Variants in PCDHGB2 observed in about 807,000 individuals in gnomAD.
The protein encoded by PCDHGB2 is protocadherin gamma-B2.
In PCDHGB2, 55 loss-of-function variants were observed where a neutral mutation model predicts 59.3. That is an observed-to-expected ratio of 0.93 (90% CI 0.75 to 1.16). PCDHGB2 has a LOEUF of 1.16. Among genes scored for constraint, PCDHGB2 ranks in the 50% most tolerant of loss-of-function variants. The probability of loss-of-function intolerance (pLI) is 0.00; values close to 1 mark genes in which losing one functional copy is unlikely to be tolerated. For synonymous variants in PCDHGB2, 516 were observed against 512.0 expected (o/e 1.01, Z -0.11); for missense variants, 1,228 against 1,198.5 (o/e 1.02, Z -0.36).
chr5:141,412,952 T>C, intron 1 of PCDHGB2: 1 of 482,218 alleles, frequency 2.1e-6, no homozygotes, highest in Non-Finnish European at 3.6e-6. Context: ...AGCGCCGCTG[T>C]TCACCTACTA....
intron 2 of PCDHGB2, among the ~76,000 whole-genome samples, chr5:141,498,397 G>A (rs1019408022): frequency 1.3e-5 from 2 of 152,136 alleles, no homozygotes; most frequent in African/African-American, 4.8e-5. Flanking sequence ...GAATGGCAGG[G>A]AGTTTTCTCT....
At chr5:141,365,117 A>G (rs764671143) in intron 1 of PCDHGB2, 2 of 1,613,924 alleles carry the variant, frequency 1.2e-6, no homozygotes, top group Non-Finnish European at 1.7e-6. Flanking sequence ...TCGGCTGCTC[A>G]TGCTAACCGC....
chr5:141,393,156 A>G (rs1028021318), intron 1 of PCDHGB2: 7 of 1,613,310 alleles, frequency 4.3e-6, no homozygotes, highest in African/African-American at 1.3e-5. Context: ...GGATAAAGGA[A>G]AACTCTTTGG....
chr5:141,381,583 A>G (rs766567706), intron 1 of PCDHGB2, among the ~76,000 whole-genome samples: 1 of 152,214 alleles, frequency 6.6e-6, no homozygotes, highest in Non-Finnish European at 1.5e-5. Context: ...CAGCCAATCC[A>G]TTATCCAGTT....
intron 1 of PCDHGB2, chr5:141,479,186 T>C (rs956575218): frequency 3.3e-5 from 5 of 152,590 alleles, no homozygotes; most frequent in Admixed American, 3.3e-4. Flanking sequence ...GCTAGAAAAT[T>C]CAGAAAATAC....
rs765743251 is a variant in PCDHGB2 at position 141,476,488 on chromosome 5, G to A, written c.2422-18319G>A. ...TGGAGCTGTTCAGCGTGGAAGTGGTGATCCAGGACATCAACGACAACAATC... is the reference window on the plus strand; with the variant it reads ...TGGAGCTGTTCAGCGTGGAAGTGGTAATCCAGGACATCAACGACAACAATC... On this transcript the variant is annotated intron_variant, in intron 1 of 3. Coordinates refer to ENST00000522605, the MANE Select transcript of PCDHGB2 (RefSeq NM_018923.3). This position sits in a 1 kb window ranked among gnomAD's most constrained non-coding sequence, Gnocchi z 7.6. 4 of 1,613,932 alleles carry A rather than the reference G, an allele frequency of 2.5e-6. No homozygotes were observed. Among genetic ancestry groups the A allele is most frequent in the Non-Finnish European group, 3.4e-6 (4 of 1,180,016 alleles).
chr5:141,464,266 AAAAAAAAAAAAGC>A (rs2099079689), intron 1 of PCDHGB2, among the ~76,000 whole-genome samples: 2 of 138,926 alleles, frequency 1.4e-5, no homozygotes, highest in Admixed American at 1.4e-4. Flanking sequence ...CTCCGTCTAA[AAAAAAAAAAAAGC>A]AAAAAAAAAA....
Position 141,428,338 on chromosome 5 carries a change from T to C in PCDHGB2, c.2421+65782T>C, listed in dbSNP as rs575215422. 427 of 592,394 alleles carry C rather than the reference T, an allele frequency of 7.2e-4. 1 individual carries two copies. The highest frequency in any genetic ancestry group is 1.3e-3 in the Non-Finnish European group (409 of 326,444). 36.7% of individuals were successfully genotyped at this position (592,394 alleles called of 1,614,324 possible). ...CTTGGCCTTGATTTCTATGCTCTTC[T>C]TCCTCGCAGTGATTTTGGCGGTCGC... On this transcript the variant is annotated intron_variant, in intron 1 of 3. Coordinates refer to ENST00000522605, the MANE Select transcript of PCDHGB2 (RefSeq NM_018923.3).
At chr5:141,478,163 C>T (rs779617960) in intron 1 of PCDHGB2, 1 of 1,614,028 alleles carries the variant, frequency 6.2e-7, no homozygotes, top group Non-Finnish European at 8.5e-7. Context: ...TGGCTCTGCC[C>T]CCCGGGAGCA....
intron 1 of PCDHGB2, among the ~76,000 whole-genome samples, chr5:141,452,745 G>A (rs1246578948): frequency 6.6e-6 from 1 of 152,054 alleles, no homozygotes; most frequent in African/African-American, 2.4e-5. Flanking sequence ...AGAGAGAGAA[G>A]GAAGAAGGAA....
Position 141,491,844 on chromosome 5 carries a change from G to A in PCDHGB2, c.2422-2963G>A. On this transcript the variant is annotated intron_variant, in intron 1 of 3. Transcript: ENST00000522605. The surrounding 1 kb of genome is among the most constrained non-coding windows in gnomAD (Gnocchi z 6.9). ...GCTCCACCCGATTCTCGGGATCATT[G>A]GACCGTTTGCGCGAAACCAGAGTGG... 1 of 1,464,184 alleles carries A rather than the reference G, an allele frequency of 6.8e-7. No homozygotes were observed. 90.7% of individuals were successfully genotyped at this position (1,464,184 alleles called of 1,614,324 possible).
chr5:141,382,917 G>A (rs527482854), intron 1 of PCDHGB2: 1 of 1,555,450 alleles, frequency 6.4e-7, no homozygotes, highest in East Asian at 2.3e-5. Flanking sequence ...CTCAGCCGAG[G>A]GGCGGGGACT....
chr5:141,397,284 C>G (rs185201660), intron 1 of PCDHGB2, among the ~76,000 whole-genome samples: 47 of 152,188 alleles, frequency 3.1e-4, no homozygotes, highest in African/African-American at 1.1e-3. Context: ...GGGCAGTATA[C>G]TTGAATGAAT....
intron 1 of PCDHGB2, among the ~76,000 whole-genome samples, chr5:141,406,034 A>T (rs1438349168): frequency 6.7e-6 from 1 of 149,160 alleles, no homozygotes; most frequent in Non-Finnish European, 1.5e-5. Flanking sequence ...GGGTTGCTTC[A>T]TTGGTTGCAG....
chr5:141,421,905 A>C, intron 1 of PCDHGB2: 1 of 1,613,752 alleles, frequency 6.2e-7, no homozygotes, highest in Non-Finnish European at 8.5e-7. Context: ...GAAAGGGCGC[A>C]GTTCCCATTC....
intron 1 of PCDHGB2, among the ~76,000 whole-genome samples, chr5:141,463,570 T>A (rs557041487): frequency 2.7e-5 from 4 of 146,586 alleles, no homozygotes; most frequent in Middle Eastern, 3.5e-3. Context: ...TGCCTCAGCC[T>A]CCCGAGTAGC....
At chr5:141,470,723 G>T (rs1326927605) in intron 1 of PCDHGB2, among the ~76,000 whole-genome samples, 1 of 151,852 alleles carries the variant, frequency 6.6e-6, no homozygotes, top group East Asian at 1.9e-4. Flanking sequence ...TTTGAGTCAG[G>T]GTCTTGCTCT....
chr5:141,404,164 G>A, intron 1 of PCDHGB2: 2 of 1,613,126 alleles, frequency 1.2e-6, no homozygotes, highest in South Asian at 2.2e-5. Context: ...ATTACAGATT[G>A]TTGACGGCCC....
Position 141,376,478 on chromosome 5 carries a change from G to A in PCDHGB2, c.2421+13922G>A, listed in dbSNP as rs761214015. On this transcript the variant is annotated intron_variant, in intron 1 of 3. Coordinates refer to ENST00000522605, the MANE Select transcript of PCDHGB2 (RefSeq NM_018923.3). ...TCTTCTGATAACTCAGGATTTACTT[G>A]AAACGAAAGGAGAACCCAGGCAACT... The A allele has an allele frequency of 1.9e-6, 3 of 1,614,176 alleles. No individual in the cohort carries two copies. The South Asian group carries it at 3.3e-5, about 18-fold the overall frequency.
Sources: allele counts gnomAD v4.1 joint callset (sites outside exome capture counted in the v4.1 genomes callset), GRCh38; gene constraint gnomAD v4.1.1; non-coding constraint Gnocchi (gnomAD v3.1); transcripts MANE v1.5; gene names NCBI Gene and HGNC (gene_info 2026-07-23, HGNC 2026-07-21).